The following NYAP2 variants were observed in gnomAD, a reference collection of about 807,000 sequenced individuals.
NYAP2 encodes neuronal tyrosine-phosphorylated phosphoinositide-3-kinase adaptor 2.
Under a neutral mutation model 50.4 loss-of-function variants are expected in NYAP2, and 23 were observed. The ratio of observed to expected loss-of-function variants is 0.46; its 90% confidence interval spans 0.33 to 0.65. The LOEUF (loss-of-function observed/expected upper bound fraction) is 0.65. NYAP2 is among the 30% of genes least tolerant of loss of function. The pLI, the probability that NYAP2 is intolerant of heterozygous loss-of-function variation, is 0.02. For synonymous variants in NYAP2, 394 were observed against 365.2 expected (o/e 1.08, Z -0.90); for missense variants, 885 against 861.0 (o/e 1.03, Z -0.35).
chr2:225,448,886 A>C (rs1689604054), intron 3 of NYAP2, among the ~76,000 whole-genome samples: 1 of 152,134 alleles, frequency 6.6e-6, no homozygotes. Context: ...GGGTTTGTGT[A>C]TATTCAGATC....
intron 6 of NYAP2, among the ~76,000 whole-genome samples, chr2:225,641,254 T>A (rs1347647112): frequency 6.6e-6 from 1 of 152,146 alleles, no homozygotes; most frequent in East Asian, 1.9e-4. Context: ...ATGCCCTTTC[T>A]GTTTCTGCGA....
At chr2:225,426,390 C>A (rs1011670867) in intron 3 of NYAP2, among the ~76,000 whole-genome samples, 1 of 152,126 alleles carries the variant, frequency 6.6e-6, no homozygotes, top group Non-Finnish European at 1.5e-5. Context: ...AGAGAATCCA[C>A]GGTAAGTGCT....
At chr2:225,580,473 C>T (rs887572801) in intron 4 of NYAP2, among the ~76,000 whole-genome samples, 1 of 152,276 alleles carries the variant, frequency 6.6e-6, no homozygotes, top group South Asian at 2.1e-4. Flanking sequence ...AAAATAACAT[C>T]TAGTTCTACC....
chr2:225,510,892 T>TA (rs1690800957), intron 3 of NYAP2, among the ~76,000 whole-genome samples: 1 of 152,084 alleles, frequency 6.6e-6, no homozygotes, highest in South Asian at 2.1e-4. Context: ...TGAAGCAGAC[T>TA]AAATTGTCAG....
intron 3 of NYAP2, among the ~76,000 whole-genome samples, chr2:225,455,212 C>G (rs1283057338): frequency 6.6e-6 from 1 of 152,196 alleles, no homozygotes; most frequent in Non-Finnish European, 1.5e-5. Flanking sequence ...CTGAACTCCA[C>G]AGCTTTACAA....
At chr2:225,505,053 T>C (rs1328872527) in intron 3 of NYAP2, among the ~76,000 whole-genome samples, 1 of 151,832 alleles carries the variant, frequency 6.6e-6, no homozygotes, top group Non-Finnish European at 1.5e-5. Flanking sequence ...TAAAGTATAA[T>C]ATCTGGAACT....
At chr2:225,690,427 T>C in the NYAP2 span, among the ~76,000 whole-genome samples, 2 of 152,154 alleles carry the variant, frequency 1.3e-5, no homozygotes, top group Admixed American at 1.3e-4. Context: ...GGCTATGTTG[T>C]TGTCCAAATT....
chr2:225,465,645 G>A (rs1158485305), intron 3 of NYAP2, among the ~76,000 whole-genome samples: 1 of 152,120 alleles, frequency 6.6e-6, no homozygotes, highest in Non-Finnish European at 1.5e-5. Flanking sequence ...GAACCCGGGA[G>A]GCAGAGTTTG....
Position 225,600,248 on chromosome 2 carries a change from CAA to C in NYAP2, c.1618+17215_1618+17216del, listed in dbSNP as rs549474355. Among the ~76,000 whole-genome samples the C allele has an allele frequency of 4.5e-3, 692 of 152,116 alleles. 3 individuals carry two copies. The highest frequency in any genetic ancestry group is 0.016 in the African/African-American group (644 of 41,494). On this transcript the variant is annotated intron_variant, in intron 5 of 6. Transcript: ENST00000636099. The stretch of plus-strand genomic sequence containing the variant: ...AGTTCCTGAGTGGAGGCCACAAGAT[CAA>C]ATGAGCCAGTTTATTGATCTGGGTG...
intron 4 of NYAP2, among the ~76,000 whole-genome samples, chr2:225,576,380 G>T (rs1200131396): frequency 6.6e-6 from 1 of 152,102 alleles, no homozygotes; most frequent in Non-Finnish European, 1.5e-5. Flanking sequence ...ACAGACTAAG[G>T]CCATTTGCAA....
chr2:225,564,895 C>A (rs1451321531), intron 4 of NYAP2, among the ~76,000 whole-genome samples: 4 of 151,960 alleles, frequency 2.6e-5, no homozygotes, highest in African/African-American at 9.7e-5. Flanking sequence ...TGTGGGAGAC[C>A]AAGGCAGGTG....
intron 4 of NYAP2, among the ~76,000 whole-genome samples, chr2:225,515,474 T>TGA (rs1000858034): frequency 7.3e-5 from 11 of 150,546 alleles, no homozygotes; most frequent in African/African-American, 2.8e-4. Flanking sequence ...CATTCATGTG[T>TGA]GTGTGTGTGT....
At chr2:225,431,181 ACT>A (rs1002418012) in intron 3 of NYAP2, among the ~76,000 whole-genome samples, 2 of 152,138 alleles carry the variant, frequency 1.3e-5, no homozygotes, top group African/African-American at 4.8e-5. Flanking sequence ...AACTATAGTA[ACT>A]CTGTATTTTT....
intron 4 of NYAP2, among the ~76,000 whole-genome samples, chr2:225,551,771 A>T (rs1485676456): frequency 2.0e-5 from 3 of 152,210 alleles, no homozygotes; most frequent in Non-Finnish European, 4.4e-5. Context: ...TGAGGCATAT[A>T]CACAGTAGTT....
chr2:225,408,332 A>G (rs1304898709), intron 2 of NYAP2, among the ~76,000 whole-genome samples: 2 of 152,052 alleles, frequency 1.3e-5, no homozygotes, highest in African/African-American at 4.8e-5. Flanking sequence ...TATATTAGAA[A>G]TGTGTTTTTC....
exon 7 of NYAP2, chr2:225,651,699 T>C (rs1693735606): frequency 1.1e-6 from 1 of 884,960 alleles, no homozygotes; most frequent in African/African-American, 1.7e-5. Context: ...TGGCAGTCTG[T>C]GTTTTCATTT....
chr2:225,643,435 CT>C (rs1206159569), intron 6 of NYAP2, among the ~76,000 whole-genome samples: 1 of 151,118 alleles, frequency 6.6e-6, no homozygotes, highest in Non-Finnish European at 1.5e-5. Flanking sequence ...CCCTTATAAT[CT>C]TTTTTTTTAA....
chr2:225,498,043 T>C lies in NYAP2; in HGVS notation c.222-15328T>C, dbSNP rs561496395. Among the ~76,000 whole-genome samples, 15 of 152,328 alleles carry C rather than the reference T, an allele frequency of 9.8e-5. No individual in the cohort carries two copies. The East Asian group carries it at 2.7e-3, about 27-fold the overall frequency. ...AAGCAAAATTTCTGTAACTCTTTAATATATGCCTGGAAATAATATAATTAA... is the reference window on the plus strand; with the variant it reads ...AAGCAAAATTTCTGTAACTCTTTAACATATGCCTGGAAATAATATAATTAA... On this transcript the variant is annotated intron_variant, in intron 3 of 6. Transcript: ENST00000636099.
At chr2:225,478,328 GGAA>G (rs977269471) in intron 3 of NYAP2, among the ~76,000 whole-genome samples, 1 of 151,978 alleles carries the variant, frequency 6.6e-6, no homozygotes, top group Non-Finnish European at 1.5e-5. Context: ...CAGGAATCCA[GGAA>G]GAAGAAGCCA....
Sources: allele counts gnomAD v4.1 joint callset (sites outside exome capture counted in the v4.1 genomes callset), GRCh38; gene constraint gnomAD v4.1.1; transcripts MANE v1.5; gene names NCBI Gene and HGNC (gene_info 2026-07-23, HGNC 2026-07-21).